Variants in RASGRP3 observed in about 807,000 individuals in gnomAD.
The protein encoded by RASGRP3 is RAS guanyl releasing protein 3.
A neutral mutation model predicts 82.7 loss-of-function variants in RASGRP3; 54 were observed. The ratio of observed to expected loss-of-function variants is 0.65; its 90% CI spans 0.52 to 0.82. The LOEUF is 0.82. RASGRP3 is among the 40% of genes least tolerant of loss of function. The probability of loss-of-function intolerance (pLI) is 0.00; values close to 1 mark genes in which losing one functional copy is unlikely to be tolerated. For missense variants in RASGRP3, 861 were observed against 828.9 expected (o/e 1.04, Z -0.48); for synonymous variants, 309 against 300.5 (o/e 1.03, Z -0.29).
At chr2:33,533,189 T>G (rs1449675103) in intron 10 of RASGRP3, 8 of 152,230 alleles carry the variant, frequency 5.3e-5, no homozygotes, top group Non-Finnish European at 4.4e-5. Flanking sequence ...TTAAGCCTCA[T>G]GACTTCTGTT....
At chr2:33,474,640 G>C (rs1224907022), upstream of RASGRP3, among the ~76,000 whole-genome samples, 1 of 152,060 alleles carries the variant, frequency 6.6e-6, no homozygotes, top group African/African-American at 2.4e-5. Context: ...ATTTAGAAGT[G>C]CCCCCTGTCT....
chr2:33,458,768 A>G (rs1306908340), intron 2 of RASGRP3, among the ~76,000 whole-genome samples: 6 of 152,222 alleles, frequency 3.9e-5, no homozygotes, highest in Non-Finnish European at 8.8e-5. Context: ...AAGTATTTTT[A>G]GTCCAACCTT....
chr2:33,452,655 G>T (rs1665860973), intron 2 of RASGRP3, among the ~76,000 whole-genome samples: 2 of 152,190 alleles, frequency 1.3e-5, no homozygotes, highest in African/African-American at 4.8e-5. Flanking sequence ...TCTAGGATGG[G>T]CCTGGAGCCT....
At chr2:33,548,579 T>G (rs1476638818) in intron 13 of RASGRP3, among the ~76,000 whole-genome samples, 1 of 151,776 alleles carries the variant, frequency 6.6e-6, no homozygotes, top group Non-Finnish European at 1.5e-5. Flanking sequence ...GAGAGAGGAC[T>G]CCCAAGAGAG....
At chr2:33,484,028 A>G (rs1379912226) in intron 1 of RASGRP3, among the ~76,000 whole-genome samples, 2 of 152,154 alleles carry the variant, frequency 1.3e-5, no homozygotes, top group African/African-American at 4.8e-5. Context: ...AAATTGGCTT[A>G]GTCACTTCTC....
chr2:33,507,203 T>C (rs1275460642), intron 1 of RASGRP3, among the ~76,000 whole-genome samples: 2 of 152,198 alleles, frequency 1.3e-5, no homozygotes, highest in Non-Finnish European at 2.9e-5. Flanking sequence ...CAGACCATCC[T>C]GGCCAACATG....
Position 33,539,134 on chromosome 2 carries a change from C to A in RASGRP3, c.1202C>A (p.Pro401His). The A allele has an allele frequency of 6.2e-7, 1 of 1,611,718 alleles. No homozygotes were observed. The highest frequency in any genetic ancestry group is 8.5e-7 in the Non-Finnish European group (1 of 1,179,030). Residue 401 changes from proline to histidine, a missense_variant, in exon 12 of 18, where the codon CCC (proline) becomes CAC (histidine). Transcript: ENST00000403687. ...ACGACGCCCAACAAGCCTGTGGTACCCCTGGAGTGGGCATTAGGGGTGATG... is the reference window on the plus strand; with the variant it reads ...ACGACGCCCAACAAGCCTGTGGTACACCTGGAGTGGGCATTAGGGGTGATG... ...SPTTPNKPVV[P>H]LEWALGVMPK... is the part of the protein sequence containing the mutation.
At chr2:33,473,992 T>C (rs1016043599), upstream of RASGRP3, among the ~76,000 whole-genome samples, 5 of 103,148 alleles carry the variant, frequency 4.8e-5, no homozygotes, top group African/African-American at 1.9e-4. Context: ...CAGTTCACAA[T>C]AGTGTTCATG....
At chr2:33,526,670 C>G (rs867351823) in intron 9 of RASGRP3, among the ~76,000 whole-genome samples, 2 of 152,176 alleles carry the variant, frequency 1.3e-5, no homozygotes, top group African/African-American at 4.8e-5. Context: ...GGTCACCCTT[C>G]TAGTTAGGCA....
chr2:33,439,597 C>T (rs1195866555), intron 1 of RASGRP3, among the ~76,000 whole-genome samples: 2 of 152,142 alleles, frequency 1.3e-5, no homozygotes, highest in Admixed American at 6.6e-5. Flanking sequence ...CCTACTTATA[C>T]GAAAATAGTA....
intron 2 of RASGRP3, among the ~76,000 whole-genome samples, chr2:33,448,593 A>C (rs1409818462): frequency 2.0e-5 from 3 of 152,228 alleles, no homozygotes; most frequent in Non-Finnish European, 4.4e-5. Flanking sequence ...GATTCCACTT[A>C]TGTGAAATAT....
intron 12 of RASGRP3, among the ~76,000 whole-genome samples, chr2:33,541,673 T>C (rs1674290839): frequency 6.8e-6 from 1 of 147,524 alleles, no homozygotes; most frequent in Admixed American, 7.0e-5. Flanking sequence ...CATTTGTATT[T>C]TTATTTGGTG....
rs370860747 is a variant in RASGRP3, at chr2:33,527,313, G to C, written c.984G>C (p.Val328=). 5.5e-5 allele frequency: 89 copies of C among 1,613,796 alleles called. No homozygotes were observed. The highest frequency in any genetic ancestry group is 7.1e-5 in the Non-Finnish European group (84 of 1,179,848). ...DWTEENKVNI[V]KMHQLSVTLS... is the part of the protein sequence containing the mutation. ...CAGAGGAGAACAAAGTGAACATTGT[G>C]AAAATGCACCAGCTCTCCGTTACCC... is the stretch of plus-strand genomic sequence containing the variant. The change falls in exon 10 of 18, where the codon GTG becomes GTC. Residue 328 remains valine, a synonymous_variant. Transcript: ENST00000403687.
At chr2:33,528,945 G>A (rs1220580630) in intron 10 of RASGRP3, among the ~76,000 whole-genome samples, 2 of 152,180 alleles carry the variant, frequency 1.3e-5, no homozygotes, top group East Asian at 1.9e-4. Context: ...TGCAGCCCCA[G>A]TCAGACTGCA....
chr2:33,479,739 G>T (rs2150933698), intron 1 of RASGRP3, among the ~76,000 whole-genome samples: 1 of 152,228 alleles, frequency 6.6e-6, no homozygotes, highest in Non-Finnish European at 1.5e-5. Context: ...TAAACCTGTG[G>T]ATTTTCTGGG....
At chr2:33,535,283 T>C (rs1435519197) in intron 11 of RASGRP3, among the ~76,000 whole-genome samples, 3 of 152,340 alleles carry the variant, frequency 2.0e-5, no homozygotes, top group East Asian at 3.9e-4. Context: ...TCATTGGTTT[T>C]AGTGGATGGA....
intron 10 of RASGRP3, among the ~76,000 whole-genome samples, chr2:33,528,054 ATG>A (rs1384575374): frequency 6.6e-6 from 1 of 152,066 alleles, no homozygotes; most frequent in Non-Finnish European, 1.5e-5. Context: ...CAACCCATCC[ATG>A]TGGCAAGTTC....
chr2:33,501,516 G>A (rs990453464), intron 1 of RASGRP3, among the ~76,000 whole-genome samples: 2 of 152,174 alleles, frequency 1.3e-5, no homozygotes, highest in African/African-American at 4.8e-5. Context: ...TTCCACTAGC[G>A]ATGGATGAGG....
intron 1 of RASGRP3, among the ~76,000 whole-genome samples, chr2:33,504,334 T>C (rs931232100): frequency 1.3e-5 from 2 of 152,226 alleles, no homozygotes; most frequent in African/African-American, 4.8e-5. Flanking sequence ...CATCTGTCTC[T>C]GTCACCAGAC....
Sources: gnomAD v4.1 joint callset for allele counts (sites outside exome capture counted in the v4.1 genomes callset) on GRCh38, gnomAD v4.1.1 for gene constraint, MANE v1.5 for transcripts, NCBI Gene and HGNC (gene_info 2026-07-23, HGNC 2026-07-21) for gene names.